Variants in FAM107B observed in about 807,000 individuals in gnomAD.
FAM107B encodes protein FAM107B.
A neutral mutation model predicts 31.5 loss-of-function variants in FAM107B; 21 were observed. The ratio of observed to expected loss-of-function variants is 0.67; its 90% CI spans 0.47 to 0.96. The LOEUF (loss-of-function observed/expected upper bound fraction) is 0.96. Among genes scored for constraint, FAM107B ranks in the 40% least tolerant of loss-of-function variants. The pLI is 0.00. For synonymous variants in FAM107B, 157 were observed against 141.5 expected, an observed-to-expected ratio of 1.11 and a Z score of -0.78; for missense variants, 452 against 377.1, an observed-to-expected ratio of 1.20 and a Z score of -1.64.
chr10:14,645,481 T>A (rs868593476), intron 2 of FAM107B, among the ~76,000 whole-genome samples: 1 of 128,830 alleles, frequency 7.8e-6, no homozygotes, highest in South Asian at 2.9e-4. Flanking sequence ...CAGATGGTCC[T>A]TTCTTCCCCC....
intron 2 of FAM107B, among the ~76,000 whole-genome samples, chr10:14,663,845 C>G (rs1854326598): frequency 8.2e-6 from 1 of 122,022 alleles, no homozygotes; most frequent in Non-Finnish European, 1.6e-5. Flanking sequence ...AATTATAGAA[C>G]TCAGGATGAA....
intron 2 of FAM107B, among the ~76,000 whole-genome samples, chr10:14,569,420 CA>C (rs1850997803): frequency 6.6e-6 from 1 of 151,362 alleles, no homozygotes; most frequent in Admixed American, 6.6e-5. Context: ...TGTGTGCATG[CA>C]TGCATGCACA....
chr10:14,668,378 T>A (rs964918935), intron 1 of FAM107B, among the ~76,000 whole-genome samples: 9 of 152,130 alleles, frequency 5.9e-5, no homozygotes, highest in Non-Finnish European at 4.4e-5. Flanking sequence ...ACCAGCATGG[T>A]TGAACAAGGA....
At chr10:14,578,536 A>G (rs1851534188) in intron 2 of FAM107B, among the ~76,000 whole-genome samples, 2 of 152,138 alleles carry the variant, frequency 1.3e-5, no homozygotes, top group African/African-American at 4.8e-5. Context: ...TTGCCGAGAG[A>G]GGGGACCTTG....
chr10:14,524,099 T>C (rs1372023107), intron 3 of FAM107B, among the ~76,000 whole-genome samples: 4 of 150,850 alleles, frequency 2.7e-5, no homozygotes, highest in East Asian at 2.0e-4. Flanking sequence ...TGGAGTGCAA[T>C]GGCACAATCT....
intron 1 of FAM107B, among the ~76,000 whole-genome samples, chr10:14,753,015 T>C (rs1031865598): frequency 2.6e-5 from 4 of 152,128 alleles, no homozygotes; most frequent in African/African-American, 9.7e-5. Flanking sequence ...AGTAATTTTA[T>C]CCACTAAGTA....
In FAM107B at chr10:14,570,233, G is replaced by GGGGTGTGTGT. The variant is rs1554835078; in HGVS notation, c.470-39719_470-39718insACACACACCC. On this transcript the variant is annotated intron_variant, in intron 2 of 4. Coordinates refer to ENST00000181796, the MANE Select transcript of FAM107B (RefSeq NM_031453.4). The stretch of plus-strand genomic sequence containing the variant: ...ACGTACCTACCAAAAAAATGTGGTG[G>GGGGTGTGTGT]GTGTGTGTGTGTGTGTGTGTGTGTG... 6.5e-3 allele frequency among the ~76,000 whole-genome samples: 915 copies of GGGGTGTGTGT among 140,412 alleles called. 2 individuals carry two copies. Among genetic ancestry groups the GGGGTGTGTGT allele is most frequent in the Middle Eastern group, 0.022 (6 of 276 alleles). The allele number at this position is 140,412 out of a possible 152,430, so 92.1% of individuals were successfully genotyped here.
At chr10:14,654,380 T>C (rs1280864987) in intron 2 of FAM107B, among the ~76,000 whole-genome samples, 3 of 152,228 alleles carry the variant, frequency 2.0e-5, no homozygotes, top group African/African-American at 7.2e-5. Flanking sequence ...AGACCGCATA[T>C]TAACCCTAAT....
chr10:14,723,738 T>A (rs1855967076), intron 1 of FAM107B: 1 of 757,928 alleles, frequency 1.3e-6, no homozygotes, highest in Non-Finnish European at 2.4e-6. Flanking sequence ...TAGTGAAGGT[T>A]CCAGGGGTGA....
intron 1 of FAM107B, among the ~76,000 whole-genome samples, chr10:14,737,766 TTCTCTCTCTCTCTC>T (rs11276189): frequency 7.9e-6 from 1 of 127,050 alleles, no homozygotes; most frequent in Non-Finnish European, 1.6e-5. Flanking sequence ...CGTGCACGCT[TTCTCTCTCTCTCTC>T]TCTCTCTCTC....
intron 2 of FAM107B, among the ~76,000 whole-genome samples, chr10:14,578,081 C>T (rs1827736669): frequency 1.3e-5 from 2 of 152,102 alleles, no homozygotes; most frequent in African/African-American, 4.8e-5. Context: ...CCAGGGCGTG[C>T]GGGTACAAAG....
At chr10:14,634,261 G>T (rs1418073849) in intron 2 of FAM107B, among the ~76,000 whole-genome samples, 3 of 151,912 alleles carry the variant, frequency 2.0e-5, no homozygotes, top group African/African-American at 4.8e-5. Context: ...TTAGCCAGGC[G>T]TGGTGGCGGG....
chr10:14,613,210 G>T (rs921045018), intron 2 of FAM107B, among the ~76,000 whole-genome samples: 10 of 152,120 alleles, frequency 6.6e-5, no homozygotes, highest in Non-Finnish European at 1.5e-5. Context: ...GACCTCAAGT[G>T]ATCTGCCTGC....
chr10:14,543,690 T>TAAA (rs1564546832), intron 2 of FAM107B, among the ~76,000 whole-genome samples: 121 of 68,324 alleles, frequency 1.8e-3, no homozygotes, highest in African/African-American at 5.0e-3. Context: ...CCTAAAAACT[T>TAAA]TAAAAAAAAA....
chr10:14,686,299 G>T (rs745522217), intron 1 of FAM107B, among the ~76,000 whole-genome samples: 10 of 151,514 alleles, frequency 6.6e-5, no homozygotes. Context: ...TGAGGTAGGA[G>T]AATCACTTGA....
chr10:14,719,651 G>C (rs1408715311), intron 1 of FAM107B, among the ~76,000 whole-genome samples: 1 of 152,150 alleles, frequency 6.6e-6, no homozygotes, highest in Non-Finnish European at 1.5e-5. Context: ...GGGATTCGAG[G>C]GGGAGAGAAA....
intron 1 of FAM107B, among the ~76,000 whole-genome samples, chr10:14,769,039 G>A (rs1431828431): frequency 1.3e-5 from 2 of 152,290 alleles, no homozygotes; most frequent in East Asian, 3.9e-4. Flanking sequence ...TGTGTTATTG[G>A]TTCTATTCTA....
At chr10:14,682,708 A>ATC in intron 1 of FAM107B, among the ~76,000 whole-genome samples, 1 of 152,166 alleles carries the variant, frequency 6.6e-6, no homozygotes, top group Non-Finnish European at 1.5e-5. Context: ...ACATGGACAC[A>ATC]GGGAGGGGAA....
At chr10:14,649,883 A>G (rs768349762) in intron 2 of FAM107B, among the ~76,000 whole-genome samples, 1 of 152,170 alleles carries the variant, frequency 6.6e-6, no homozygotes, top group Non-Finnish European at 1.5e-5. Context: ...TGACCATTAC[A>G]CATAATAAGG....
Sources: allele counts gnomAD v4.1 joint callset (sites outside exome capture counted in the v4.1 genomes callset), GRCh38; gene constraint gnomAD v4.1.1; transcripts MANE v1.5; gene names NCBI Gene and HGNC (gene_info 2026-07-23, HGNC 2026-07-21).